The following N4BP2 variants were observed in gnomAD, a reference collection of about 807,000 sequenced individuals.
The protein encoded by N4BP2 is NEDD4-binding protein 2.
N4BP2 carries 91 observed loss-of-function variants against 152.8 expected under a neutral mutation model. The ratio of observed to expected loss-of-function variants is 0.60; its 90% CI spans 0.50 to 0.71. The LOEUF is 0.71. Ranked by LOEUF, N4BP2 falls within the 30% of genes least tolerant of loss-of-function variation. The pLI, the probability that N4BP2 is intolerant of heterozygous loss-of-function variation, is 0.00. For missense variants in N4BP2, 1,923 were observed against 2,059.1 expected, an observed-to-expected ratio of 0.93 and a Z score of 1.28; for synonymous variants, 646 against 705.3, an observed-to-expected ratio of 0.92 and a Z score of 1.33.
the N4BP2 span, among the ~76,000 whole-genome samples, chr4:40,185,121 G>A: frequency 6.6e-6 from 1 of 151,946 alleles, no homozygotes; most frequent in Non-Finnish European, 1.5e-5. Flanking sequence ...TTCGACGTGT[G>A]CCTCTTGTTG....
chr4:40,099,636 CAT>C (rs1396417908), intron 3 of N4BP2, among the ~76,000 whole-genome samples: 2 of 151,970 alleles, frequency 1.3e-5, no homozygotes, highest in East Asian at 1.9e-4. Context: ...CATTTTTGTA[CAT>C]GTTTGTTTAT....
rs1256545325 is a variant in N4BP2, at chr4:40,106,902, C to T, written c.1376C>T (p.Thr459Ile). 3 of 1,601,938 alleles carry T rather than the reference C, an allele frequency of 1.9e-6. No homozygotes were observed. Among genetic ancestry groups the T allele is most frequent in the East Asian group, 2.2e-5 (1 of 44,670 alleles). The change falls in exon 5 of 18, where the codon ACT (threonine) becomes ATT (isoleucine). Residue 459 changes from threonine (T) to isoleucine (I), a missense_variant and splice_region_variant. By Grantham distance (89) the Thr-to-Ile change is moderately conservative. Transcript: ENST00000261435. ...ATTATTTCATTTATCTTTCACAGGA[C>T]TTTGCAAGAGGATAATCCAAGTGGA... is the stretch of plus-strand genomic sequence containing the variant. ...PGSGKSFLAR[T>I]LQEDNPSGVI...
At chr4:40,092,016 A>T (rs1426999332) in intron 2 of N4BP2, among the ~76,000 whole-genome samples, 10 of 98,878 alleles carry the variant, frequency 1.0e-4, no homozygotes, top group South Asian at 3.7e-4. Context: ...AATTATATAT[A>T]TATATATATA....
intron 1 of N4BP2, among the ~76,000 whole-genome samples, chr4:40,063,982 A>AGG (rs113670298): frequency 1.7e-4 from 25 of 150,656 alleles, no homozygotes; most frequent in African/African-American, 6.1e-4. Flanking sequence ...GTGGGGCGGC[A>AGG]GGGGGGGGTC....
chr4:40,181,390 T>C, the N4BP2 span, among the ~76,000 whole-genome samples: 1 of 152,170 alleles, frequency 6.6e-6, no homozygotes, highest in South Asian at 2.1e-4. Context: ...TAGCTCATCT[T>C]GTAGATTAAC....
At chr4:40,099,109 A>G (rs1406433753) in intron 3 of N4BP2, among the ~76,000 whole-genome samples, 1 of 152,058 alleles carries the variant, frequency 6.6e-6, no homozygotes, top group Non-Finnish European at 1.5e-5. Flanking sequence ...GTCACAGGGT[A>G]AGAACTGCTT....
intron 13 of N4BP2, among the ~76,000 whole-genome samples, chr4:40,132,641 G>C (rs899342559): frequency 3.3e-5 from 5 of 152,062 alleles, no homozygotes; most frequent in Admixed American, 6.5e-5. Flanking sequence ...GGTATATCAG[G>C]AATGCTCTGG....
the N4BP2 span, among the ~76,000 whole-genome samples, chr4:40,182,645 G>T: frequency 2.8e-4 from 43 of 151,508 alleles, no homozygotes; most frequent in Middle Eastern, 3.4e-3. Context: ...ACGAGGTTTC[G>T]CCATGTTGCC....
intron 3 of N4BP2, chr4:40,100,275 T>G (rs1321966064): frequency 5.1e-6 from 1 of 197,446 alleles, no homozygotes; most frequent in Non-Finnish European, 1.1e-5. Flanking sequence ...GCTGTGCTGT[T>G]TCCAGACTTA....
At chr4:40,082,651 C>T (rs11731404) in intron 2 of N4BP2, among the ~76,000 whole-genome samples, 1 of 151,910 alleles carries the variant, frequency 6.6e-6, no homozygotes, top group Non-Finnish European at 1.5e-5. Flanking sequence ...ACCAAAAAGC[C>T]TAAGCAAACA....
chr4:40,137,927 A>G (rs1719555112), intron 14 of N4BP2, among the ~76,000 whole-genome samples: 1 of 152,114 alleles, frequency 6.6e-6, no homozygotes, highest in Non-Finnish European at 1.5e-5. Context: ...CCATTAAAGG[A>G]GGAAGTTGGA....
intron 2 of N4BP2, among the ~76,000 whole-genome samples, chr4:40,075,097 C>G (rs1388633338): frequency 6.6e-6 from 1 of 151,900 alleles, no homozygotes; most frequent in Non-Finnish European, 1.5e-5. Context: ...ATTTGTGCAC[C>G]TGTTTTATGT....
At chr4:40,147,681 C>T (rs1720711100) in intron 16 of N4BP2, among the ~76,000 whole-genome samples, 1 of 150,822 alleles carries the variant, frequency 6.6e-6, no homozygotes, top group East Asian at 2.0e-4. Context: ...CGGGTGGGGG[C>T]TGACCCCCCA....
At chr4:40,183,522 G>A in the N4BP2 span, among the ~76,000 whole-genome samples, 1 of 152,116 alleles carries the variant, frequency 6.6e-6, no homozygotes, top group South Asian at 2.1e-4. Flanking sequence ...ATTTTTAGTA[G>A]AGACGGGGTT....
intron 12 of N4BP2, among the ~76,000 whole-genome samples, chr4:40,126,539 T>C (rs1560622799): frequency 6.6e-6 from 1 of 152,218 alleles, no homozygotes; most frequent in Non-Finnish European, 1.5e-5. Context: ...CTATAAGCCA[T>C]CCATGTTAAG....
intron 5 of N4BP2, 103 bp from the exon 6 acceptor site, chr4:40,111,981 T>G: frequency 1.5e-6 from 1 of 646,124 alleles, no homozygotes; most frequent in East Asian, 3.1e-5. Context: ...TGAGTAAAAT[T>G]AGCACATCAT....
intron 2 of N4BP2, among the ~76,000 whole-genome samples, chr4:40,084,459 G>A (rs1403071711): frequency 6.7e-6 from 1 of 148,422 alleles, no homozygotes; most frequent in African/African-American, 2.5e-5. Flanking sequence ...CCTCCGAGAT[G>A]GAGTCTTGGT....
At chr4:40,150,173 T>A (rs1208774565) in intron 16 of N4BP2, among the ~76,000 whole-genome samples, 1 of 152,200 alleles carries the variant, frequency 6.6e-6, no homozygotes, top group Non-Finnish European at 1.5e-5. Context: ...ATGAATTTTT[T>A]AAAAAAGAGA....
intron 16 of N4BP2, among the ~76,000 whole-genome samples, chr4:40,151,516 C>T (rs1366558525): frequency 1.3e-5 from 2 of 152,140 alleles, no homozygotes; most frequent in Non-Finnish European, 2.9e-5. Context: ...AAGTGGTCCA[C>T]CTTCCTTAGC....
Sources: gnomAD v4.1 joint callset for allele counts (sites outside exome capture counted in the v4.1 genomes callset) on GRCh38, gnomAD v4.1.1 for gene constraint, MANE v1.5 for transcripts, NCBI Gene and HGNC (gene_info 2026-07-23, HGNC 2026-07-21) for gene names.